Variants in PMFBP1 observed in about 807,000 individuals in gnomAD.
PMFBP1 encodes the protein polyamine-modulated factor 1-binding protein 1.
In PMFBP1, 131 loss-of-function variants were observed where a neutral mutation model predicts 137.8. The ratio of observed to expected loss-of-function variants is 0.95; its 90% confidence interval spans 0.82 to 1.10. The LOEUF is 1.10. Among genes scored for constraint, PMFBP1 ranks in the 50% least tolerant of loss-of-function variants. PMFBP1 has a pLI of 0.00. For synonymous variants in PMFBP1, 490 were observed against 450.4 expected (o/e 1.09, Z -1.11); for missense variants, 1,199 against 1,175.4 (o/e 1.02, Z -0.29).
At chr16:72,234,205 G>T in the PMFBP1 span, among the ~76,000 whole-genome samples, 2 of 152,156 alleles carry the variant, frequency 1.3e-5, no homozygotes, top group Non-Finnish European at 2.9e-5. Flanking sequence ...AGCAATGTAT[G>T]AAGGTTCTCT....
intron 3 of PMFBP1, among the ~76,000 whole-genome samples, chr16:72,158,719 C>G (rs1379121070): frequency 3.3e-5 from 5 of 152,132 alleles, no homozygotes; most frequent in Non-Finnish European, 7.3e-5. Flanking sequence ...TCAGGCCAGG[C>G]ATGGTGGCTC....
rs375907693 is a variant in PMFBP1, at chr16:72,139,312, C to T, written c.895G>A (p.Glu299Lys). 2 of 1,613,806 alleles carry T rather than the reference C, an allele frequency of 1.2e-6. No individual in the cohort carries two copies. The highest frequency in any genetic ancestry group is 1.7e-6 in the Non-Finnish European group (2 of 1,179,812). The change falls in exon 7 of 21, where the codon GAA (glutamate) becomes AAA (lysine). Residue 299 changes from glutamate to lysine, a missense_variant. By Grantham distance (56) the Glu-to-Lys change is moderately conservative (BLOSUM62 1). Coordinates refer to ENST00000237353, the MANE Select transcript of PMFBP1 (RefSeq NM_031293.3). ...ATHRYPPSSS[E>K]ECEDIKKILK... The stretch of plus-strand genomic sequence containing the variant: ...ACCTTTTTGATGTCTTCACACTCTT[C>T]TGAGGAGCTAGGAGGGTATCTGTGG...
chr16:72,128,501 C>T, intron 14 of PMFBP1, 156 bp downstream of exon 14: 2 of 1,550,002 alleles, frequency 1.3e-6, no homozygotes, highest in Middle Eastern at 2.2e-4. Flanking sequence ...CAACCAGGTG[C>T]CAATGGGGAG....
intron 9 of PMFBP1, among the ~76,000 whole-genome samples, chr16:72,134,274 G>A (rs749385153): frequency 5.8e-4 from 89 of 152,260 alleles, no homozygotes; most frequent in Non-Finnish European, 1.1e-3. Flanking sequence ...GGTTGCTACA[G>A]ACCCATATGG....
chr16:72,137,405 A>AGT (rs1234593931), intron 7 of PMFBP1, among the ~76,000 whole-genome samples: 5 of 152,134 alleles, frequency 3.3e-5, no homozygotes, highest in Admixed American at 3.3e-4. Flanking sequence ...ACAGTGGATA[A>AGT]GTGCTATGGG....
chr16:72,194,851 C>T, the PMFBP1 span, among the ~76,000 whole-genome samples: 1 of 152,170 alleles, frequency 6.6e-6, no homozygotes, highest in Non-Finnish European at 1.5e-5. Context: ...TTTAAAAATC[C>T]ATGCTTAATA....
chr16:72,142,385 G>A (rs1449709050), intron 5 of PMFBP1, among the ~76,000 whole-genome samples: 1 of 151,980 alleles, frequency 6.6e-6, no homozygotes, highest in Non-Finnish European at 1.5e-5. Context: ...AAGGATTAGT[G>A]AAGTGTTGAA....
chr16:72,121,900 T>G (rs2042381984), intron 19 of PMFBP1, among the ~76,000 whole-genome samples: 1 of 152,250 alleles, frequency 6.6e-6, no homozygotes, highest in Non-Finnish European at 1.5e-5. Flanking sequence ...TTTTCACTTT[T>G]ATTTTATTTT....
At chr16:72,171,523 C>G in intron 1 of PMFBP1, 1 of 376,196 alleles carries the variant, frequency 2.7e-6, no homozygotes, top group East Asian at 4.6e-5. Context: ...ATTTACCCTT[C>G]TTGGAAAGCA....
At chr16:72,128,177 A>G (rs537033608) in intron 14 of PMFBP1, among the ~76,000 whole-genome samples, 2 of 152,326 alleles carry the variant, frequency 1.3e-5, no homozygotes, top group South Asian at 4.1e-4. Context: ...CCATGTAAAG[A>G]GCTTAAGTGG....
intron 18 of PMFBP1, among the ~76,000 whole-genome samples, chr16:72,123,231 G>A (rs980569738): frequency 2.6e-5 from 4 of 152,214 alleles, no homozygotes; most frequent in African/African-American, 9.6e-5. Context: ...ATGAGTTCAA[G>A]GGGGCCAGGC....
chr16:72,193,159 A>G, the PMFBP1 span, among the ~76,000 whole-genome samples: 1 of 152,208 alleles, frequency 6.6e-6, no homozygotes, highest in East Asian at 1.9e-4. Context: ...GGCTGTGGTG[A>G]GAGGATCACT....
At chr16:72,172,574 T>A (rs995972917), upstream of PMFBP1, 1 of 151,516 alleles carries the variant, frequency 6.6e-6, no homozygotes, top group African/African-American at 2.4e-5. Context: ...ACAAGTCACA[T>A]GGCCATGCCT....
At chr16:72,169,839 A>C (rs1222461522) in intron 2 of PMFBP1, among the ~76,000 whole-genome samples, 3 of 152,196 alleles carry the variant, frequency 2.0e-5, no homozygotes, top group Non-Finnish European at 4.4e-5. Flanking sequence ...TGCAAGGATT[A>C]AATGCATTGG....
intron 14 of PMFBP1, among the ~76,000 whole-genome samples, chr16:72,127,640 A>G (rs2042481372): frequency 6.6e-6 from 1 of 152,256 alleles, no homozygotes. Context: ...AGAAGTATGT[A>G]AATTATAGAA....
chr16:72,232,619 C>G, the PMFBP1 span, among the ~76,000 whole-genome samples: 6 of 151,982 alleles, frequency 3.9e-5, no homozygotes, highest in African/African-American at 7.2e-5. Context: ...TCATTATAGC[C>G]AATGGTGAAA....
chr16:72,187,182 A>G, the PMFBP1 span, among the ~76,000 whole-genome samples: 2 of 152,146 alleles, frequency 1.3e-5, no homozygotes, highest in South Asian at 4.1e-4. Flanking sequence ...CTGAAGAAAC[A>G]TTTACTAAAT....
chr16:72,237,407 G>A, the PMFBP1 span, among the ~76,000 whole-genome samples: 1 of 152,020 alleles, frequency 6.6e-6, no homozygotes, highest in East Asian at 1.9e-4. Flanking sequence ...GAAGACTGGG[G>A]GTTCCAGGCC....
chr16:72,243,169 G>T, the PMFBP1 span, among the ~76,000 whole-genome samples: 1 of 152,218 alleles, frequency 6.6e-6, no homozygotes, highest in African/African-American at 2.4e-5. Flanking sequence ...GTGTACTTAG[G>T]TGGATCTTCC....
Sources: gnomAD v4.1 joint callset for allele counts (sites outside exome capture counted in the v4.1 genomes callset) on GRCh38, gnomAD v4.1.1 for gene constraint, MANE v1.5 for transcripts, NCBI Gene and HGNC (gene_info 2026-07-23, HGNC 2026-07-21) for gene names.